UBE2R2: variants seen among roughly 807,000 people sequenced by gnomAD.
UBE2R2 encodes ubiquitin-conjugating enzyme E2 R2.
Under a neutral mutation model 27.8 loss-of-function variants are expected in UBE2R2, and 1 was observed. The ratio of observed to expected loss-of-function variants is 0.04; its 90% CI spans 0.01 to 0.17. The LOEUF is 0.17. UBE2R2 is among the 10% of genes least tolerant of loss of function. The pLI is 1.00. For synonymous variants in UBE2R2, 106 were observed against 113.3 expected (o/e 0.94, Z 0.41); for missense variants, 100 against 291.0 (o/e 0.34, Z 4.78).
intron 4 of UBE2R2, among the ~76,000 whole-genome samples, chr9:33,915,423 A>AG (rs1822617626): frequency 6.6e-6 from 1 of 152,166 alleles, no homozygotes; most frequent in Admixed American, 6.5e-5. Context: ...GTCAGCATAA[A>AG]GGGAGTGGTG....
chr9:33,896,099 T>G (rs1822099504), intron 2 of UBE2R2, among the ~76,000 whole-genome samples: 1 of 152,144 alleles, frequency 6.6e-6, no homozygotes, highest in Non-Finnish European at 1.5e-5. Flanking sequence ...ATGACAATTA[T>G]CAATGGAATT....
chr9:33,877,823 G>GTGTCTCTCTCTCTCTCTCTCTCTCTCTC (rs1821640814), intron 1 of UBE2R2, among the ~76,000 whole-genome samples: 12 of 131,126 alleles, frequency 9.2e-5, no homozygotes, highest in African/African-American at 4.0e-4. Context: ...CTGTCTGTCT[G>GTGTCTCTCTCTCTCTCTCTCTCTCTCTC]TCTCTCTCTC....
chr9:33,848,035 AG>A, intron 1 of UBE2R2, among the ~76,000 whole-genome samples: 1 of 152,140 alleles, frequency 6.6e-6, no homozygotes, highest in Non-Finnish European at 1.5e-5. Context: ...GATTACATGC[AG>A]GAGCCACTGC....
At chr9:33,849,372 C>G (rs992104489) in intron 1 of UBE2R2, among the ~76,000 whole-genome samples, 10 of 151,962 alleles carry the variant, frequency 6.6e-5, no homozygotes, top group African/African-American at 9.7e-5. Context: ...TATACACAAA[C>G]ATATATATGT....
At chr9:33,900,815 C>A (rs1285570606) in intron 3 of UBE2R2, among the ~76,000 whole-genome samples, 1 of 152,138 alleles carries the variant, frequency 6.6e-6, no homozygotes, top group Non-Finnish European at 1.5e-5. Context: ...CAGTCCTCCC[C>A]ACTTGGCCTC....
At chr9:33,838,123 A>C (rs1243997141) in intron 1 of UBE2R2, among the ~76,000 whole-genome samples, 1 of 151,762 alleles carries the variant, frequency 6.6e-6, no homozygotes, top group African/African-American at 2.4e-5. Flanking sequence ...ATTTACATTT[A>C]ACCTGTGCAC....
intron 1 of UBE2R2, among the ~76,000 whole-genome samples, chr9:33,855,845 A>T (rs948270339): frequency 1.3e-5 from 2 of 152,218 alleles, no homozygotes; most frequent in Non-Finnish European, 2.9e-5. Flanking sequence ...TGGGAGGCCA[A>T]GGTGGGCGGA....
At chr9:33,854,597 C>T (rs1350761568) in intron 1 of UBE2R2, among the ~76,000 whole-genome samples, 1 of 152,014 alleles carries the variant, frequency 6.6e-6, no homozygotes, top group Non-Finnish European at 1.5e-5. Context: ...GCTGGGATTA[C>T]AGGTGTGAGC....
At chr9:33,866,287 G>A (rs1248048757) in intron 1 of UBE2R2, among the ~76,000 whole-genome samples, 1 of 149,696 alleles carries the variant, frequency 6.7e-6, no homozygotes, top group Admixed American at 6.7e-5. Context: ...CACCCAGGCT[G>A]GAGTGCAGTG....
intron 4 of UBE2R2, among the ~76,000 whole-genome samples, chr9:33,916,521 A>G (rs1587488023): frequency 2.0e-5 from 3 of 152,344 alleles, no homozygotes; most frequent in Middle Eastern, 3.4e-3. Context: ...ACATTAAACC[A>G]GAGTGGGACG....
chr9:33,889,016 G>A (rs934797515), intron 2 of UBE2R2, among the ~76,000 whole-genome samples: 17 of 152,114 alleles, frequency 1.1e-4, no homozygotes, highest in Admixed American at 9.2e-4. Context: ...TTAGAAATAA[G>A]CTTTCTAAAT....
intron 1 of UBE2R2, among the ~76,000 whole-genome samples, chr9:33,834,608 A>T (rs1277934312): frequency 6.6e-6 from 1 of 152,066 alleles, no homozygotes; most frequent in Non-Finnish European, 1.5e-5. Flanking sequence ...CCTATTCATT[A>T]TATAAAAATT....
At chr9:33,878,491 G>A (rs1241272233) in intron 1 of UBE2R2, among the ~76,000 whole-genome samples, 6 of 152,208 alleles carry the variant, frequency 3.9e-5, no homozygotes, top group East Asian at 3.9e-4. Context: ...GGTGGTGCAC[G>A]TCTGTAGTCC....
At chr9:33,841,358 G>T (rs991559193) in intron 1 of UBE2R2, among the ~76,000 whole-genome samples, 2 of 152,130 alleles carry the variant, frequency 1.3e-5, no homozygotes, top group Non-Finnish European at 2.9e-5. Flanking sequence ...GGGATTACGG[G>T]CGTGAGCCAC....
chr9:33,882,640 C>T (rs1045487302), intron 1 of UBE2R2, among the ~76,000 whole-genome samples: 8 of 152,074 alleles, frequency 5.3e-5, no homozygotes, highest in Admixed American at 4.6e-4. Flanking sequence ...GGGCTCCAGC[C>T]TTTTTTCCCC....
chr9:33,841,109 G>A (rs1015470362), intron 1 of UBE2R2, among the ~76,000 whole-genome samples: 1 of 151,268 alleles, frequency 6.6e-6, no homozygotes, highest in Non-Finnish European at 1.5e-5. Context: ...TTGAGACGAA[G>A]TCTTGCTTTA....
intron 1 of UBE2R2, among the ~76,000 whole-genome samples, chr9:33,825,469 G>C (rs570678785): frequency 9.1e-4 from 139 of 152,104 alleles, no homozygotes; most frequent in African/African-American, 3.2e-3. Flanking sequence ...TCAAACTCCT[G>C]ACCTCAGGTA....
chr9:33,898,032 C>G (rs756522299), intron 2 of UBE2R2, among the ~76,000 whole-genome samples: 6 of 152,128 alleles, frequency 3.9e-5, no homozygotes, highest in Non-Finnish European at 8.8e-5. Flanking sequence ...GCCTTGGCTT[C>G]CCAAAGTGCT....
intron 1 of UBE2R2, among the ~76,000 whole-genome samples, chr9:33,883,443 C>T (rs1313278641): frequency 1.3e-5 from 2 of 152,042 alleles, no homozygotes; most frequent in African/African-American, 2.4e-5. Flanking sequence ...AGGCCGAGTG[C>T]GGTGGCTCAT....
Sources: gnomAD v4.1 joint callset for allele counts (sites outside exome capture counted in the v4.1 genomes callset) on GRCh38, gnomAD v4.1.1 for gene constraint, MANE v1.5 for transcripts, NCBI Gene and HGNC (gene_info 2026-07-23, HGNC 2026-07-21) for gene names.